Variants in CSNK2A2IP observed in about 807,000 individuals in gnomAD.
CSNK2A2IP encodes casein kinase II subunit alpha'-interacting protein.
At chr3:88,466,397 C>A in the CSNK2A2IP span, 1 of 1,231,888 alleles carries the variant, frequency 8.1e-7, no homozygotes, top group Non-Finnish European at 1.0e-6. Flanking sequence ...TTTCAGAATA[C>A]CACTTCACCA....
the CSNK2A2IP span, among the ~76,000 whole-genome samples, chr3:88,429,608 A>G: frequency 2.6e-5 from 4 of 152,110 alleles, no homozygotes; most frequent in Non-Finnish European, 4.4e-5. Flanking sequence ...TATACCTTTC[A>G]TTATCAGATG....
At chr3:88,462,436 T>A in the CSNK2A2IP span, among the ~76,000 whole-genome samples, 1 of 152,150 alleles carries the variant, frequency 6.6e-6, no homozygotes, top group Admixed American at 6.5e-5. Context: ...GCAAGGAAAA[T>A]ATGTGAGTGA....
At chr3:88,429,122 C>T in the CSNK2A2IP span, among the ~76,000 whole-genome samples, 1 of 151,490 alleles carries the variant, frequency 6.6e-6, no homozygotes, top group Non-Finnish European at 1.5e-5. Context: ...GGCTATTAAC[C>T]AATACCACAG....
At chr3:88,381,092 G>A in the CSNK2A2IP span, among the ~76,000 whole-genome samples, 1 of 152,184 alleles carries the variant, frequency 6.6e-6, no homozygotes, top group Non-Finnish European at 1.5e-5. Flanking sequence ...CTGAAGCAGG[G>A]AAAAACCTCA....
At chr3:88,431,013 A>G in the CSNK2A2IP span, among the ~76,000 whole-genome samples, 1 of 152,220 alleles carries the variant, frequency 6.6e-6, no homozygotes, top group Non-Finnish European at 1.5e-5. Context: ...AAGACTTCGA[A>G]ATTTGGGAAG....
chr3:88,465,658 C>A, the CSNK2A2IP span: 1 of 1,231,574 alleles, frequency 8.1e-7, no homozygotes, highest in African/African-American at 1.6e-5. Context: ...TCAGAACACA[C>A]CTTCAATAGG....
At chr3:88,365,675 T>C in the CSNK2A2IP span, among the ~76,000 whole-genome samples, 1 of 152,174 alleles carries the variant, frequency 6.6e-6, no homozygotes, top group Non-Finnish European at 1.5e-5. Flanking sequence ...GTGCCCCTTT[T>C]GGCTTCTTTG....
At chr3:88,368,772 T>C in the CSNK2A2IP span, among the ~76,000 whole-genome samples, 1 of 152,050 alleles carries the variant, frequency 6.6e-6, no homozygotes, top group Non-Finnish European at 1.5e-5. Flanking sequence ...TCTGTACCCC[T>C]TGAAGGGCAG....
the CSNK2A2IP span, among the ~76,000 whole-genome samples, chr3:88,355,196 G>T: frequency 2.6e-5 from 4 of 152,152 alleles, no homozygotes; most frequent in Admixed American, 6.6e-5. Context: ...AGAAATAAAT[G>T]AGAAAGGGTG....
the CSNK2A2IP span, among the ~76,000 whole-genome samples, chr3:88,360,327 G>T: frequency 3.3e-5 from 5 of 151,804 alleles, no homozygotes; most frequent in Non-Finnish European, 7.4e-5. Context: ...TAGAGACGGG[G>T]TTTCACCGTG....
the CSNK2A2IP span, among the ~76,000 whole-genome samples, chr3:88,340,636 A>G: frequency 6.6e-6 from 1 of 151,934 alleles, no homozygotes; most frequent in Non-Finnish European, 1.5e-5. Flanking sequence ...GCCAATCACT[A>G]GGCTGGATAT....
At chr3:88,340,572 C>T in the CSNK2A2IP span, among the ~76,000 whole-genome samples, 37 of 152,054 alleles carry the variant, frequency 2.4e-4, no homozygotes, top group African/African-American at 8.9e-4. Flanking sequence ...TGATCGGGAG[C>T]TATTTGTTCA....
chr3:88,400,254 C>T, the CSNK2A2IP span, among the ~76,000 whole-genome samples: 4,588 of 152,136 alleles, frequency 0.03, 110 homozygotes, highest in Middle Eastern at 0.054. Context: ...AGAATTGACT[C>T]CCTGCCAGTA....
chr3:88,421,056 T>C, the CSNK2A2IP span, among the ~76,000 whole-genome samples: 1 of 152,196 alleles, frequency 6.6e-6, no homozygotes, highest in African/African-American at 2.4e-5. Flanking sequence ...ATGTCCTTTC[T>C]TCCTCCTCCC....
chr3:88,464,829 T>A, the CSNK2A2IP span, among the ~76,000 whole-genome samples: 7 of 152,230 alleles, frequency 4.6e-5, no homozygotes, highest in African/African-American at 1.4e-4. Context: ...ATCTTGGCAC[T>A]GTTAGAATAT....
At chr3:88,362,380 G>A in the CSNK2A2IP span, among the ~76,000 whole-genome samples, 1 of 152,194 alleles carries the variant, frequency 6.6e-6, no homozygotes, top group Non-Finnish European at 1.5e-5. Flanking sequence ...GAAAGCCTTG[G>A]TGGGTTTGGG....
At chr3:88,362,246 G>C in the CSNK2A2IP span, among the ~76,000 whole-genome samples, 1 of 152,078 alleles carries the variant, frequency 6.6e-6, no homozygotes, top group Non-Finnish European at 1.5e-5. Flanking sequence ...CTTCTTAAGA[G>C]AGCTTTCAGA....
At chr3:88,382,927 TTG>T in the CSNK2A2IP span, 1 of 152,244 alleles carries the variant, frequency 6.6e-6, no homozygotes, top group East Asian at 1.9e-4. Context: ...TTAGAGTGAA[TTG>T]TTTGAATGAA....
At chr3:88,440,477 T>C in the CSNK2A2IP span, among the ~76,000 whole-genome samples, 3 of 152,252 alleles carry the variant, frequency 2.0e-5, no homozygotes, top group East Asian at 5.8e-4. Flanking sequence ...AAATGGGAAC[T>C]GCTCCAAAGA....
Sources: allele counts gnomAD v4.1 joint callset (sites outside exome capture counted in the v4.1 genomes callset), GRCh38; gene constraint gnomAD v4.1.1; transcripts MANE v1.5; gene names NCBI Gene and HGNC (gene_info 2026-07-23, HGNC 2026-07-21).